The following MYOCD variants were observed in gnomAD, a reference collection of about 807,000 sequenced individuals.
MYOCD encodes the protein myocardin.
A neutral mutation model predicts 96.1 loss-of-function variants in MYOCD; 32 were observed. The ratio of observed to expected loss-of-function variants is 0.33; its 90% CI spans 0.25 to 0.45. The LOEUF (loss-of-function observed/expected upper bound fraction) is 0.45, where lower values mean the gene tolerates loss of function less well. Ranked by LOEUF, MYOCD falls within the 20% of genes least tolerant of loss-of-function variation. The pLI is 1.00. For synonymous variants in MYOCD, 469 were observed against 469.0 expected, an observed-to-expected ratio of 1.00 and a Z score of 0.00; for missense variants, 1,133 against 1,200.6, an observed-to-expected ratio of 0.94 and a Z score of 0.83.
rs1289382017 is a variant in MYOCD at position 12,767,040 on chromosome 17, G to A, written c.*3396G>A. The A allele has an allele frequency of 6.6e-6, 1 of 151,828 alleles. No individual in the cohort carries two copies. The highest frequency in any genetic ancestry group is 1.5e-5 in the Non-Finnish European group (1 of 67,944). The allele number at this position is 151,828 out of a possible 1,614,324, so 9.4% of individuals were successfully genotyped here. On this transcript the variant is annotated 3_prime_UTR_variant, in exon 14 of 14. Coordinates refer to ENST00000425538, the MANE Select transcript of MYOCD (RefSeq NM_001146312.3). ...ATGGGTAGGGGGGTAAAGAGAAAAG[G>A]AGGGAGAAGGGAAGGAAGGAAAGAA...
chr17:12,700,399 ATTT>A (rs952565560), intron 1 of MYOCD, among the ~76,000 whole-genome samples: 14 of 76,894 alleles, frequency 1.8e-4, no homozygotes, highest in African/African-American at 8.1e-4. Flanking sequence ...CAATGGGAGA[ATTT>A]TTTTTTTTTT....
intron 1 of MYOCD, among the ~76,000 whole-genome samples, chr17:12,671,064 C>T (rs887102235): frequency 1.4e-4 from 22 of 152,182 alleles, no homozygotes; most frequent in Non-Finnish European, 2.8e-4. Context: ...CACTATTGGA[C>T]AGACTAAACC....
chr17:12,666,696 T>TG (rs548510299), intron 1 of MYOCD, among the ~76,000 whole-genome samples: 6 of 152,134 alleles, frequency 3.9e-5, no homozygotes, highest in Non-Finnish European at 8.8e-5. Flanking sequence ...AAAAGTCACT[T>TG]GGGGGAAGTA....
At chr17:12,691,773 G>T (rs918662627) in intron 1 of MYOCD, among the ~76,000 whole-genome samples, 27 of 152,148 alleles carry the variant, frequency 1.8e-4, no homozygotes, top group Non-Finnish European at 3.8e-4. Context: ...TGAGATAAAA[G>T]TTTAGAGTCC....
intron 8 of MYOCD, among the ~76,000 whole-genome samples, chr17:12,745,197 ATATT>A (rs1024483739): frequency 6.6e-6 from 1 of 151,848 alleles, no homozygotes; most frequent in Admixed American, 6.6e-5. Context: ...TTTTTTAAAT[ATATT>A]TATTTATTTA....
At chr17:12,718,255 G>T (rs191100489) in intron 4 of MYOCD, among the ~76,000 whole-genome samples, 250 of 152,248 alleles carry the variant, frequency 1.6e-3, no homozygotes, top group Non-Finnish European at 1.4e-3. Context: ...AATCCAGCAT[G>T]AAAAGAAAGG....
chr17:12,736,539 G>A (rs572326181), intron 6 of MYOCD, among the ~76,000 whole-genome samples: 2 of 152,024 alleles, frequency 1.3e-5, no homozygotes, highest in Non-Finnish European at 2.9e-5. Flanking sequence ...AGAAAACACT[G>A]AAAGAGAACC....
chr17:12,729,385 T>C (rs2032100302), intron 5 of MYOCD, among the ~76,000 whole-genome samples: 1 of 151,144 alleles, frequency 6.6e-6, no homozygotes, highest in Non-Finnish European at 1.5e-5. Context: ...GTGCCTGGAG[T>C]CTGCCTCTGC....
Position 12,666,125 on chromosome 17 carries a change from G to A in MYOCD, c.-64G>A, listed in dbSNP as rs76148496. 0.091 allele frequency: 115,530 copies of A among 1,263,144 alleles called. 5,843 individuals carry two copies. The highest frequency in any genetic ancestry group is 0.11 in the Middle Eastern group (531 of 4,774). 78.2% of individuals were successfully genotyped at this position (1,263,144 alleles called of 1,614,324 possible). On this transcript the variant is annotated 5_prime_UTR_variant, in exon 1 of 14. Transcript: ENST00000425538. ...GCTGCGGTCAGCTGGGCTCCCGGGA[G>A]CCTGTTGCTGGTGGAGAACAGGGGG...
intron 1 of MYOCD, among the ~76,000 whole-genome samples, chr17:12,669,726 C>G (rs1354673887): frequency 6.6e-6 from 1 of 152,080 alleles, no homozygotes; most frequent in African/African-American, 2.4e-5. Flanking sequence ...TCACGCCATT[C>G]TCCTGCCTCA....
chr17:12,733,881 G>A (rs9904257), intron 5 of MYOCD, among the ~76,000 whole-genome samples: 61,148 of 141,036 alleles, frequency 0.43, 14,114 homozygotes, highest in East Asian at 0.66. Context: ...AAAGAAAAAA[G>A]AAAAAAAGAA....
At chr17:12,727,082 G>A (rs1048440398) in intron 5 of MYOCD, among the ~76,000 whole-genome samples, 1 of 152,066 alleles carries the variant, frequency 6.6e-6, no homozygotes, top group African/African-American at 2.4e-5. Flanking sequence ...AGGTAGTTGC[G>A]GGGAATTAGG....
intron 5 of MYOCD, among the ~76,000 whole-genome samples, chr17:12,726,606 A>G (rs2032007108): frequency 6.6e-6 from 1 of 152,196 alleles, no homozygotes; most frequent in Non-Finnish European, 1.5e-5. Flanking sequence ...CCTCTGTATT[A>G]TGGAAGGGGG....
chr17:12,675,646 C>T (rs1486037537), intron 1 of MYOCD, among the ~76,000 whole-genome samples: 1 of 152,172 alleles, frequency 6.6e-6, no homozygotes, highest in African/African-American at 2.4e-5. Context: ...ATCACGAGGT[C>T]AGGGGATCGA....
intron 3 of MYOCD, 30 bp downstream of exon 3, chr17:12,715,604 T>TTAGA (rs771286597): frequency 6.4e-7 from 1 of 1,569,112 alleles, no homozygotes; most frequent in Non-Finnish European, 8.8e-7. Context: ...TGACCCAAGC[T>TTAGA]TAGACTATAG....
chr17:12,762,210 C>T (rs1213675091), intron 13 of MYOCD: 2 of 152,220 alleles, frequency 1.3e-5, no homozygotes, highest in Non-Finnish European at 2.9e-5. Context: ...TCAGGTTCCT[C>T]CAGGTGTGGG....
At chr17:12,697,783 G>A (rs115441965) in intron 1 of MYOCD, among the ~76,000 whole-genome samples, 19 of 152,152 alleles carry the variant, frequency 1.2e-4, no homozygotes, top group African/African-American at 3.4e-4. Context: ...AAATTAATAC[G>A]AATTAGAACT....
chr17:12,686,724 C>G (rs2030138767), intron 1 of MYOCD, among the ~76,000 whole-genome samples: 1 of 151,984 alleles, frequency 6.6e-6, no homozygotes, highest in Non-Finnish European at 1.5e-5. Context: ...AAGAGTCTAA[C>G]AGTGGCCAAG....
At chr17:12,672,036 T>C (rs1369851526) in intron 1 of MYOCD, 1 of 152,212 alleles carries the variant, frequency 6.6e-6, no homozygotes, top group Admixed American at 6.5e-5. Flanking sequence ...CAAGTCACAG[T>C]GGGAGCCCAT....
Sources: gnomAD v4.1 joint callset for allele counts (sites outside exome capture counted in the v4.1 genomes callset) on GRCh38, gnomAD v4.1.1 for gene constraint, MANE v1.5 for transcripts, NCBI Gene and HGNC (gene_info 2026-07-23, HGNC 2026-07-21) for gene names.